The following STOM variants were observed in gnomAD, a reference collection of about 807,000 sequenced individuals.
STOM encodes the protein erythrocyte band 7 integral membrane protein.
A neutral mutation model predicts 30.6 loss-of-function variants in STOM; 25 were observed. That is an observed-to-expected ratio of 0.82 (90% CI 0.60 to 1.14). The LOEUF is 1.14. Among genes scored for constraint, STOM ranks in the 50% most tolerant of loss-of-function variants. The probability of loss-of-function intolerance (pLI) is 0.00; values close to 1 mark genes in which losing one functional copy is unlikely to be tolerated. For missense variants in STOM, 292 were observed against 365.2 expected (o/e 0.80, Z 1.63); for synonymous variants, 118 against 130.8 (o/e 0.90, Z 0.67).
intron 4 of STOM, among the ~76,000 whole-genome samples, chr9:121,351,505 G>A (rs2064339132): frequency 6.6e-6 from 1 of 152,206 alleles, no homozygotes; most frequent in African/African-American, 2.4e-5. Context: ...TCTGGCCTTT[G>A]GCCAGGAAAC....
Position 121,339,410 on chromosome 9 carries a change from T to G in STOM, c.*1792A>C. On this transcript the variant is annotated 3_prime_UTR_variant, in exon 7 of 7. Coordinates refer to ENST00000286713, the MANE Select transcript of STOM (RefSeq NM_004099.6). ...TAAAATTCAAAATGTAAGTGCAACTTGAGTTTAAGTTGCACTGCTCCATAC... is the reference window on the plus strand; with the variant it reads ...TAAAATTCAAAATGTAAGTGCAACTGGAGTTTAAGTTGCACTGCTCCATAC... 1 of 607,854 alleles carries G rather than the reference T, an allele frequency of 1.6e-6. No individual in the cohort carries two copies. The highest frequency in any genetic ancestry group is 3.8e-5 in the East Asian group (1 of 26,330). 37.7% of individuals were successfully genotyped at this position (607,854 alleles called of 1,614,324 possible). A position where few individuals can be genotyped will look rare whatever the true frequency, so the allele number is the denominator to read the frequency against.
At chr9:121,354,772 C>A in intron 2 of STOM, 99 bp from the exon 3 acceptor site, 2 of 821,536 alleles carry the variant, frequency 2.4e-6, no homozygotes, top group Non-Finnish European at 3.7e-6. Context: ...AGATTAGATG[C>A]CTCATCTTTT....
At chr9:121,346,682 G>T (rs891351131) in intron 6 of STOM, among the ~76,000 whole-genome samples, 5 of 152,142 alleles carry the variant, frequency 3.3e-5, no homozygotes, top group Non-Finnish European at 4.4e-5. Flanking sequence ...TTGAAAGAAA[G>T]CACTAGAGGG....
At chr9:121,367,532 A>G (rs990621672) in intron 1 of STOM, among the ~76,000 whole-genome samples, 3 of 152,218 alleles carry the variant, frequency 2.0e-5, no homozygotes, top group African/African-American at 7.2e-5. Flanking sequence ...GAAATAAACA[A>G]TCAGTCTCCC....
At position 121,340,142 on chromosome 9, in the gene STOM, A is replaced by G; in HGVS notation, c.*1060T>C. 6 of 985,360 alleles carry G rather than the reference A, an allele frequency of 6.1e-6. No homozygotes were observed. The highest frequency in any genetic ancestry group is 7.2e-6 in the Non-Finnish European group (6 of 829,822). The allele number at this position is 985,360 out of a possible 1,614,324, so 61.0% of individuals were successfully genotyped here. A position where few individuals can be genotyped will look rare whatever the true frequency, so the allele number is the denominator to read the frequency against. ...AACCTGATATATGAAAATAGGCAAC[A>G]GTGAGAAAAAAGCACTTTTGTGACA... On this transcript the variant is annotated 3_prime_UTR_variant, in exon 7 of 7. Transcript: ENST00000286713.
chr9:121,353,931 T>C (rs766237693), intron 3 of STOM, among the ~76,000 whole-genome samples: 2 of 152,230 alleles, frequency 1.3e-5, no homozygotes, highest in Non-Finnish European at 2.9e-5. Flanking sequence ...AACACTTCTC[T>C]GGTTTTCTCT....
rs747153047 is a variant in STOM at position 121,353,246 on chromosome 9, T to C, written c.295A>G (p.Ile99Val). ...DSFIKVDMRTISFDIPPQEIL... is the reference protein window; with the variant it reads ...DSFIKVDMRTVSFDIPPQEIL... ...TCCTGAGGAGGAATATCAAATGAAA[T>C]AGTTCTCATGTCCACTTTGATGAAG... Residue 99 changes from isoleucine (I) to valine (V), a missense_variant, in exon 4 of 7, where the codon ATT becomes GTT. By Grantham distance (29) the Ile-to-Val change is conservative (BLOSUM62 3). Transcript: ENST00000286713. 1.2e-6 allele frequency: 2 copies of C among 1,610,754 alleles called. No individual in the cohort carries two copies. The highest frequency in any genetic ancestry group is 1.7e-6 in the Non-Finnish European group (2 of 1,178,550).
intron 1 of STOM, among the ~76,000 whole-genome samples, chr9:121,358,079 T>A (rs915162960): frequency 1.3e-5 from 2 of 151,518 alleles, no homozygotes; most frequent in Non-Finnish European, 2.9e-5. Flanking sequence ...GGAGGGAGGA[T>A]CCCTTGAGCC....
intron 1 of STOM, among the ~76,000 whole-genome samples, chr9:121,367,335 G>A (rs1214269876): frequency 6.6e-6 from 1 of 151,970 alleles, no homozygotes; most frequent in African/African-American, 2.4e-5. Flanking sequence ...AGGAATCAGT[G>A]ACTGTCTTTT....
chr9:121,347,898 A>G (rs2064303279), intron 6 of STOM, 117 bp downstream of exon 6: 1 of 1,313,926 alleles, frequency 7.6e-7, no homozygotes, highest in African/African-American at 1.5e-5. Context: ...TTTCACTTCT[A>G]ACTTTACCAC....
At chr9:121,369,931 C>T (rs916123739) in intron 1 of STOM, 196 bp downstream of exon 1, 2 of 520,182 alleles carry the variant, frequency 3.8e-6, no homozygotes, top group South Asian at 6.0e-5. Context: ...TGGCAGCCCG[C>T]CACCCCTCCA....
chr9:121,344,589 C>T lies in STOM; in HGVS notation c.661-3181G>A, dbSNP rs1020766249. Among the ~76,000 whole-genome samples, 4 of 152,308 alleles carry T rather than the reference C, an allele frequency of 2.6e-5. No homozygotes were observed. The East Asian group carries it at 7.7e-4, about 29-fold the overall frequency. ...GCAAAGCAAGCTATTTGTGGGTGTG[C>T]ACGGCTTTTGTCGAATGTGCAGTAA... On this transcript the variant is annotated intron_variant, in intron 6 of 6. Transcript: ENST00000286713.
At chr9:121,354,741 A>G (rs1294308796) in intron 2 of STOM, 68 bp from the exon 3 acceptor site, 2 of 1,225,602 alleles carry the variant, frequency 1.6e-6, no homozygotes, top group Non-Finnish European at 2.3e-6. Context: ...GGCTTCTTAA[A>G]TATATATTTC....
intron 4 of STOM, among the ~76,000 whole-genome samples, chr9:121,350,183 G>T (rs1431753393): frequency 2.0e-5 from 3 of 152,220 alleles, no homozygotes. Context: ...AGCTGGGCAT[G>T]ATGGCATACA....
intron 1 of STOM, among the ~76,000 whole-genome samples, chr9:121,369,623 C>T (rs530557998): frequency 1.9e-3 from 287 of 152,112 alleles, no homozygotes; most frequent in African/African-American, 6.7e-3. Context: ...GCCAGAGAGA[C>T]TTCTTCCTTC....
At chr9:121,366,676 CA>C (rs2134048028) in intron 1 of STOM, among the ~76,000 whole-genome samples, 1 of 152,252 alleles carries the variant, frequency 6.6e-6, no homozygotes, top group East Asian at 1.9e-4. Context: ...TTATTTACTC[CA>C]GGGGGATTTT....
rs76459619 is a variant in STOM, at chr9:121,341,980, C to G, written c.661-572G>C. 9.9e-5 allele frequency among the ~76,000 whole-genome samples: 15 copies of G among 152,228 alleles called. No individual in the cohort carries two copies. The East Asian group carries it at 2.9e-3, about 29-fold the overall frequency. ...ATGAAAAATAGGAATAAAATTGATGCTGAATCGTGTCTCATTCTAGCATTA... is the reference window on the plus strand; with the variant it reads ...ATGAAAAATAGGAATAAAATTGATGGTGAATCGTGTCTCATTCTAGCATTA... On this transcript the variant is annotated intron_variant, in intron 6 of 6. Transcript: ENST00000286713.
chr9:121,363,468 G>A (rs546741206), intron 1 of STOM, among the ~76,000 whole-genome samples: 1 of 152,284 alleles, frequency 6.6e-6, no homozygotes, highest in South Asian at 2.1e-4. Flanking sequence ...TAAAGAACCA[G>A]GAACTAAATA....
intron 1 of STOM, among the ~76,000 whole-genome samples, chr9:121,368,453 C>T (rs1182188204): frequency 6.6e-6 from 1 of 152,116 alleles, no homozygotes; most frequent in Non-Finnish European, 1.5e-5. Flanking sequence ...AACTAACTAT[C>T]GAAGAGGCAG....
Sources: gnomAD v4.1 joint callset for allele counts (sites outside exome capture counted in the v4.1 genomes callset) on GRCh38, gnomAD v4.1.1 for gene constraint, MANE v1.5 for transcripts, NCBI Gene and HGNC (gene_info 2026-07-23, HGNC 2026-07-21) for gene names.